The following DNAH8 variants were observed in gnomAD, a reference collection of about 807,000 sequenced individuals.
DNAH8 encodes the protein dynein axonemal heavy chain 8.
Under a neutral mutation model 562.1 loss-of-function variants are expected in DNAH8, and 382 were observed. That is an observed-to-expected ratio of 0.68 (90% CI 0.63 to 0.74). DNAH8 has a LOEUF of 0.74. DNAH8 is among the 30% of genes least tolerant of loss of function. The probability of loss-of-function intolerance (pLI) is 0.00; values close to 1 mark genes in which losing one functional copy is unlikely to be tolerated. For synonymous variants in DNAH8, 1,881 were observed against 1,919.4 expected (o/e 0.98, Z 0.52); for missense variants, 5,203 against 5,620.4 (o/e 0.93, Z 2.37).
intron 15 of DNAH8, among the ~76,000 whole-genome samples, chr6:38,781,007 G>T (rs1768534839): frequency 6.6e-6 from 1 of 151,924 alleles, no homozygotes; most frequent in South Asian, 2.1e-4. Flanking sequence ...CTTGAAATTT[G>T]GGATAAGGGC....
chr6:39,012,123 G>A (rs902148000), intron 89 of DNAH8, 92 bp from the exon 90 acceptor site: 1 of 935,342 alleles, frequency 1.1e-6, no homozygotes, highest in Non-Finnish European at 1.6e-6. Context: ...GATACATCTA[G>A]AGGAAGAAAA....
At chr6:38,866,713 T>C (rs1227490564) in intron 46 of DNAH8, 36 bp downstream of exon 46, 5 of 1,591,334 alleles carry the variant, frequency 3.1e-6, no homozygotes, top group Non-Finnish European at 4.3e-6. Context: ...ATGTGCTTTA[T>C]GTTCTTTACT....
intron 91 of DNAH8, among the ~76,000 whole-genome samples, chr6:39,025,266 T>A (rs1161950583): frequency 6.6e-6 from 1 of 152,224 alleles, no homozygotes; most frequent in Non-Finnish European, 1.5e-5. Flanking sequence ...CCCTGAGTTG[T>A]CTTCCCGAGT....
intron 30 of DNAH8, among the ~76,000 whole-genome samples, chr6:38,828,982 C>T (rs1037164730): frequency 3.9e-5 from 6 of 152,108 alleles, no homozygotes; most frequent in African/African-American, 1.4e-4. Context: ...CTAAATCATA[C>T]AATATATGGT....
At chr6:38,789,420 A>C (rs1196736713) in intron 18 of DNAH8, among the ~76,000 whole-genome samples, 1 of 152,202 alleles carries the variant, frequency 6.6e-6, no homozygotes, top group Non-Finnish European at 1.5e-5. Flanking sequence ...ATTTATTTTG[A>C]CTCGAGAAAG....
chr6:38,803,429 G>A (rs1770965534), intron 22 of DNAH8, 118 bp downstream of exon 22: 3 of 694,538 alleles, frequency 4.3e-6, no homozygotes, highest in African/African-American at 1.8e-5. Context: ...AGCAAAGAAG[G>A]TGTTCAGCAT....
chr6:38,784,251 C>G (rs1768928207), intron 17 of DNAH8, among the ~76,000 whole-genome samples: 1 of 152,082 alleles, frequency 6.6e-6, no homozygotes, highest in Admixed American at 6.6e-5. Context: ...AAAGGAGCTT[C>G]GAGAGGAGCT....
intron 12 of DNAH8, among the ~76,000 whole-genome samples, chr6:38,772,613 A>C (rs1767679790): frequency 6.6e-6 from 1 of 152,066 alleles, no homozygotes; most frequent in Non-Finnish European, 1.5e-5. Flanking sequence ...TCCTTATCAG[A>C]TATATGATTT....
chr6:38,886,766 A>G (rs758222006), intron 56 of DNAH8, 25 bp from the exon 57 acceptor site: 1 of 1,581,528 alleles, frequency 6.3e-7, no homozygotes, highest in Non-Finnish European at 8.7e-7. Flanking sequence ...ATATGTTACA[A>G]AAATATTGCT....
At chr6:38,945,944 G>C (rs1475500016) in intron 80 of DNAH8, among the ~76,000 whole-genome samples, 1 of 152,136 alleles carries the variant, frequency 6.6e-6, no homozygotes, top group Non-Finnish European at 1.5e-5. Flanking sequence ...GTACAGATTT[G>C]AATGTGAGTC....
At chr6:38,770,599 AC>A in intron 12 of DNAH8, 40 bp downstream of exon 12, 1 of 1,506,542 alleles carries the variant, frequency 6.6e-7, no homozygotes, top group Non-Finnish European at 8.8e-7. Context: ...TCCACACCAC[AC>A]CTTTTTGGTG....
intron 91 of DNAH8, among the ~76,000 whole-genome samples, chr6:39,020,612 C>T (rs1766853851): frequency 6.6e-6 from 1 of 152,124 alleles, no homozygotes; most frequent in Non-Finnish European, 1.5e-5. Context: ...GTTTGCTGCA[C>T]CTATCATCTA....
At chr6:39,012,055 G>A (rs1766246996) in intron 89 of DNAH8, among the ~76,000 whole-genome samples, 160 bp from the exon 90 acceptor site, 1 of 152,170 alleles carries the variant, frequency 6.6e-6, no homozygotes, top group Non-Finnish European at 1.5e-5. Flanking sequence ...GAAATGGAAA[G>A]TTTAATGGCA....
intron 79 of DNAH8, among the ~76,000 whole-genome samples, chr6:38,942,136 C>T (rs1170699254): frequency 1.3e-5 from 2 of 152,124 alleles, no homozygotes; most frequent in African/African-American, 4.8e-5. Context: ...GCCTCCAGAG[C>T]TGTGAGAAAT....
At chr6:38,845,953 T>G (rs1480417543) in intron 36 of DNAH8, among the ~76,000 whole-genome samples, 180 bp downstream of exon 36, 1 of 152,128 alleles carries the variant, frequency 6.6e-6, no homozygotes, top group Non-Finnish European at 1.5e-5. Context: ...CATCTCTTCT[T>G]TAATGGTACT....
chr6:38,715,651 G>T (rs544766691), intron 1 of DNAH8, among the ~76,000 whole-genome samples: 4 of 151,890 alleles, frequency 2.6e-5, no homozygotes, highest in Admixed American at 2.0e-4. Flanking sequence ...CCCACTCCCC[G>T]TTTTGAGACT....
Position 39,030,115 on chromosome 6 carries a change from A to G in DNAH8, c.13847A>G (p.Tyr4616Cys), listed in dbSNP as rs552095365. 4 of 1,613,010 alleles carry G rather than the reference A, an allele frequency of 2.5e-6. No individual in the cohort carries two copies. The South Asian group carries it at 4.4e-5, about 18-fold the overall frequency. ...GCTTGACTCTTCCAGGAAGGTGTGT[A>G]TATTTATGGGCTCTACATGGATGGA... is the stretch of plus-strand genomic sequence containing the variant. ...EITSPPGEGV[Y>C]IYGLYMDGAA... Residue 4616 changes from tyrosine to cysteine, a missense_variant, in exon 93 of 93, where the codon TAT becomes TGT. Tyr to Cys is a radical substitution (Grantham distance 194). Coordinates refer to ENST00000327475, the MANE Select transcript of DNAH8 (RefSeq NM_001206927.2).
At position 38,750,490 on chromosome 6, in the gene DNAH8, G is replaced by A. The variant is rs1482109558; in HGVS notation, c.1308G>A (p.Leu436=). The A allele has an allele frequency of 3.7e-6, 6 of 1,608,146 alleles. No individual in the cohort carries two copies. Among genetic ancestry groups the A allele is most frequent in the African/African-American group, 1.3e-5 (1 of 74,692 alleles). ...HSKLLKNWRD[L]DARITDTANE... ...TTTTTTCTTAGAATTGGCGTGATTTGGATGCAAGAATCACTGATACAGCAA... is the reference window on the plus strand; with the variant it reads ...TTTTTTCTTAGAATTGGCGTGATTTAGATGCAAGAATCACTGATACAGCAA... Residue 436 remains leucine (L), a synonymous_variant, in exon 9 of 93, where the codon TTG becomes TTA. Coordinates refer to ENST00000327475, the MANE Select transcript of DNAH8 (RefSeq NM_001206927.2).
rs545020957 is a variant in DNAH8, at chr6:38,756,615, A to G, written c.1515+536A>G. 4.0e-5 allele frequency among the ~76,000 whole-genome samples: 6 copies of G among 151,832 alleles called. No individual in the cohort carries two copies. In the South Asian group the frequency reaches 1.3e-3, roughly 32 times the overall value. ...TACATGTGCCATGTTGGTGTGCTGC[A>G]CCCATTAACTCGTCATTTAACATTA... is the stretch of plus-strand genomic sequence containing the variant. On this transcript the variant is annotated intron_variant, in intron 10 of 92. Coordinates refer to ENST00000327475, the MANE Select transcript of DNAH8 (RefSeq NM_001206927.2).
Sources: allele counts gnomAD v4.1 joint callset (sites outside exome capture counted in the v4.1 genomes callset), GRCh38; gene constraint gnomAD v4.1.1; transcripts MANE v1.5; gene names NCBI Gene and HGNC (gene_info 2026-07-23, HGNC 2026-07-21).